WDR70: variants seen among roughly 807,000 people sequenced by gnomAD.
WDR70 encodes the protein WD repeat-containing protein 70.
WDR70 carries 53 observed loss-of-function variants against 88.6 expected under a neutral mutation model. The ratio of observed to expected loss-of-function variants is 0.60; its 90% confidence interval spans 0.48 to 0.75. The LOEUF (loss-of-function observed/expected upper bound fraction) is 0.75. WDR70 is among the 30% of genes least tolerant of loss of function. The probability of loss-of-function intolerance (pLI) is 0.00; values close to 1 mark genes in which losing one functional copy is unlikely to be tolerated. For synonymous variants in WDR70, 280 were observed against 270.0 expected (o/e 1.04, Z -0.36); for missense variants, 610 against 823.2 (o/e 0.74, Z 3.17).
intron 9 of WDR70, among the ~76,000 whole-genome samples, chr5:37,533,895 A>C (rs1279446094): frequency 6.6e-6 from 1 of 152,138 alleles, no homozygotes; most frequent in African/African-American, 2.4e-5. Flanking sequence ...ATTTCCAGGC[A>C]GCTGGTGACC....
chr5:37,724,636 C>T (rs1747916778), intron 15 of WDR70: 1 of 278,842 alleles, frequency 3.6e-6, no homozygotes, highest in Admixed American at 5.0e-5. Context: ...CTTTTCAAAA[C>T]CACGGTAATT....
intron 7 of WDR70, among the ~76,000 whole-genome samples, chr5:37,448,046 A>G (rs1248500396): frequency 2.0e-5 from 3 of 152,176 alleles, no homozygotes; most frequent in African/African-American, 4.8e-5. Flanking sequence ...TCTTTCTTTA[A>G]TTGCCCATTT....
intron 9 of WDR70, among the ~76,000 whole-genome samples, chr5:37,542,627 T>A (rs1439013909): frequency 6.6e-6 from 1 of 152,014 alleles, no homozygotes; most frequent in Non-Finnish European, 1.5e-5. Flanking sequence ...AATGTCAATA[T>A]CATGAAAGAA....
intron 8 of WDR70, among the ~76,000 whole-genome samples, chr5:37,483,773 C>A (rs567778143): frequency 1.0e-4 from 15 of 148,986 alleles, no homozygotes; most frequent in Non-Finnish European, 1.9e-4. Flanking sequence ...CGGGCGGGGG[C>A]TGACCCCCCA....
At chr5:37,652,823 G>A (rs1336335448) in intron 10 of WDR70, among the ~76,000 whole-genome samples, 1 of 152,176 alleles carries the variant, frequency 6.6e-6, no homozygotes, top group Non-Finnish European at 1.5e-5. Context: ...TTGCTTATCA[G>A]CTTAAGGAGA....
At chr5:37,670,514 C>G (rs1021149126) in intron 10 of WDR70, among the ~76,000 whole-genome samples, 1 of 152,142 alleles carries the variant, frequency 6.6e-6, no homozygotes, top group African/African-American at 2.4e-5. Flanking sequence ...AGGGGTGTGC[C>G]ACATTTTCAG....
chr5:37,455,487 C>T (rs1561859084), intron 7 of WDR70, among the ~76,000 whole-genome samples: 2 of 151,992 alleles, frequency 1.3e-5, no homozygotes, highest in South Asian at 2.1e-4. Flanking sequence ...GGTGATCCTC[C>T]TGCCTTGGCC....
At chr5:37,482,999 A>G (rs1168886564) in intron 8 of WDR70, among the ~76,000 whole-genome samples, 3 of 151,600 alleles carry the variant, frequency 2.0e-5, no homozygotes, top group East Asian at 1.9e-4. Context: ...TGCGATGATC[A>G]TGCTTGTGAA....
chr5:37,422,013 C>T (rs1470956540), intron 5 of WDR70, among the ~76,000 whole-genome samples: 2 of 152,116 alleles, frequency 1.3e-5, no homozygotes, highest in Admixed American at 6.6e-5. Flanking sequence ...AGTTCTGTTA[C>T]AGGCCATCCT....
chr5:37,619,740 G>T (rs900832920), intron 10 of WDR70, among the ~76,000 whole-genome samples: 23 of 146,374 alleles, frequency 1.6e-4, no homozygotes, highest in Admixed American at 3.4e-4. Context: ...TCCCTGTTTG[G>T]TTTTTTTTTT....
At chr5:37,566,610 G>A (rs1742749577) in intron 9 of WDR70, among the ~76,000 whole-genome samples, 1 of 151,728 alleles carries the variant, frequency 6.6e-6, no homozygotes, top group African/African-American at 2.4e-5. Flanking sequence ...CCCCATTTTT[G>A]CACACAAGTA....
chr5:37,391,610 G>A (rs548421923), intron 3 of WDR70, among the ~76,000 whole-genome samples: 1 of 152,180 alleles, frequency 6.6e-6, no homozygotes, highest in Admixed American at 6.5e-5. Flanking sequence ...TTCCTTTTTG[G>A]GTGAACAATA....
chr5:37,453,323 G>A (rs569115358), intron 7 of WDR70, among the ~76,000 whole-genome samples: 1 of 152,290 alleles, frequency 6.6e-6, no homozygotes, highest in South Asian at 2.1e-4. Context: ...TTTATTAACA[G>A]CAAGCCAGTC....
chr5:37,435,903 G>C (rs1484440871), intron 5 of WDR70, among the ~76,000 whole-genome samples: 2 of 151,940 alleles, frequency 1.3e-5, no homozygotes, highest in Non-Finnish European at 2.9e-5. Context: ...CCAGCTTTTT[G>C]GTGCATAGGG....
At chr5:37,592,514 G>C (rs969649686) in intron 9 of WDR70, among the ~76,000 whole-genome samples, 2 of 152,216 alleles carry the variant, frequency 1.3e-5, no homozygotes, top group African/African-American at 2.4e-5. Flanking sequence ...CAGAATACGT[G>C]TATCAACTGT....
At chr5:37,673,530 C>T (rs1200762920) in intron 10 of WDR70, among the ~76,000 whole-genome samples, 1 of 150,660 alleles carries the variant, frequency 6.6e-6, no homozygotes, top group Admixed American at 6.6e-5. Context: ...AGTGTATAAG[C>T]ATTCCTTTTT....
intron 5 of WDR70, among the ~76,000 whole-genome samples, chr5:37,400,308 G>A (rs1271302375): frequency 6.6e-6 from 1 of 152,144 alleles, no homozygotes; most frequent in African/African-American, 2.4e-5. Flanking sequence ...ATTAAAACTC[G>A]ATAGGAACCA....
intron 7 of WDR70, among the ~76,000 whole-genome samples, chr5:37,452,855 C>T (rs1738716094): frequency 1.3e-5 from 2 of 152,202 alleles, no homozygotes. Flanking sequence ...GGCAGTCACA[C>T]TCAAAGAACG....
intron 9 of WDR70, among the ~76,000 whole-genome samples, chr5:37,564,383 C>T (rs1742667860): frequency 6.6e-6 from 1 of 152,232 alleles, no homozygotes; most frequent in Admixed American, 6.5e-5. Context: ...GAAAACCAGT[C>T]AGGTGTGGCG....
Sources: gnomAD v4.1 joint callset for allele counts (sites outside exome capture counted in the v4.1 genomes callset) on GRCh38, gnomAD v4.1.1 for gene constraint, MANE v1.5 for transcripts, NCBI Gene and HGNC (gene_info 2026-07-23, HGNC 2026-07-21) for gene names.